Variants in PC observed in about 807,000 individuals in gnomAD.
PC encodes the protein pyruvate carboxylase.
A neutral mutation model predicts 107.8 loss-of-function variants in PC; 46 were observed. The observed-to-expected ratio is 0.43, with a 90% CI of 0.34 to 0.55. The LOEUF is 0.55. Among genes scored for constraint, PC ranks in the 20% least tolerant of loss-of-function variants. The probability of loss-of-function intolerance (pLI) is 0.04; values close to 1 mark genes in which losing one functional copy is unlikely to be tolerated. For synonymous variants in PC, 662 were observed against 684.7 expected, an observed-to-expected ratio of 0.97 and a Z score of 0.52; for missense variants, 1,241 against 1,643.1, an observed-to-expected ratio of 0.76 and a Z score of 4.23.
Position 66,850,286 on chromosome 11 carries a change from G to A in PC, c.2652C>T (p.Gly884=), listed in dbSNP as rs777576274. The part of the protein sequence containing the change: ...LHFQAHSMGL[G]SKFKEVKKAY... ...CCTTCTTGACCTCCTTGAACTTGGA[G>A]CCAAGCCCCATGCTGTGGGCCTGGA... Residue 884 remains glycine, a synonymous_variant, in exon 19 of 23, where the codon GGC becomes GGT. Transcript: ENST00000393960. The A allele has an allele frequency of 2.5e-6, 4 of 1,614,028 alleles. No individual in the cohort carries two copies. The South Asian group carries it at 3.3e-5, about 13-fold the overall frequency.
rs112948607 is a variant in PC, at chr11:66,851,069, G to C, written c.2194C>G (p.Arg732Gly). 5.6e-6 allele frequency: 9 copies of C among 1,613,062 alleles called. No homozygotes were observed. The African/African-American group carries it at 6.7e-5, about 12-fold the overall frequency. Residue 732 changes from arginine (R) to glycine (G), a missense_variant, in exon 17 of 23, where the codon CGA (arginine) becomes GGA (glycine). This residue lies in a region of PC where 1,143 missense variants were observed against 1,551.9 expected (regional missense o/e 0.74). Transcript: ENST00000393960. ...ATGCACAGGATGTGGGTGCCAGCTC[G>C]CACCAGCTCTTCGGCCAAGCCCATG... ...YYMGLAEELV[R>G]AGTHILCIKD... is the part of the protein sequence containing the mutation.
intron 3 of PC, among the ~76,000 whole-genome samples, chr11:66,876,919 C>G (rs1039702050): frequency 1.3e-5 from 2 of 152,150 alleles, no homozygotes; most frequent in African/African-American, 4.8e-5. Flanking sequence ...CTTGAACCCA[C>G]GAGAAAGCAA....
chr11:66,888,088 C>G lies in PC; in HGVS notation c.1-15929G>C, dbSNP rs74448864. On this transcript the variant is annotated intron_variant, in intron 3 of 22. Transcript: ENST00000393960. ...ACCTGGATGATCCGGGATCACCTTT[C>G]CAGGTCAGAATCCTTCATCACATCT... 3.9e-3 allele frequency among the ~76,000 whole-genome samples: 597 copies of G among 152,316 alleles called. 5 individuals carry two copies. Among genetic ancestry groups the G allele is most frequent in the African/African-American group, 0.013 (559 of 41,562 alleles).
In PC at chr11:66,858,618, G is replaced by T; in HGVS notation, c.1368+5156C>A. ...TGCCCGCCACACGCAGCGCCTCTGG[G>T]TGCTGGAAGGCCAGCGGGCCACGCT... is the stretch of plus-strand genomic sequence containing the variant. On this transcript the variant is annotated intron_variant, in intron 12 of 22. Transcript: ENST00000393960. The surrounding 1 kb of genome is among the most constrained non-coding windows in gnomAD (Gnocchi z 5.9). 1 of 1,536,332 alleles carries T rather than the reference G, an allele frequency of 6.5e-7. No individual in the cohort carries two copies. Among genetic ancestry groups the T allele is most frequent in the East Asian group, 2.4e-5 (1 of 40,846 alleles).
rs1220060164 is a variant in PC at position 66,867,650 on chromosome 11, G to A, written c.1022+1196C>T. The stretch of plus-strand genomic sequence containing the variant: ...AGGTTGGAGCTCACCCAGGCTCCAC[G>A]TGGCTTGGGACCTGAGAGCACCTGA... On this transcript the variant is annotated intron_variant, in intron 10 of 22. Transcript: ENST00000393960. 2.6e-5 allele frequency among the ~76,000 whole-genome samples: 4 copies of A among 152,210 alleles called. No individual in the cohort carries two copies. In the East Asian group the frequency reaches 7.7e-4, roughly 29 times the overall value.
Position 66,849,055 on chromosome 11 carries a change from T to A in PC, c.3381A>T (p.Ala1127=). ...GCTGGCCCTTGGCCACCTTGGCCCC[T>A]GCCACCACTTTGATGTCTATCACCT... ...PGKVIDIKVV[A]GAKVAKGQPL... Residue 1127 remains alanine (A), a synonymous_variant, in exon 23 of 23, where the codon GCA becomes GCT. Transcript: ENST00000393960. 6.2e-7 allele frequency: 1 copy of A among 1,614,120 alleles called. No individual in the cohort carries two copies. The highest frequency in any genetic ancestry group is 8.5e-7 in the Non-Finnish European group (1 of 1,180,048).
At chr11:66,958,056 C>A (rs1403118900) in intron 1 of PC, 1 of 150,162 alleles carries the variant, frequency 6.7e-6, no homozygotes, top group African/African-American at 2.4e-5. Context: ...TGCGGAGGGG[C>A]GCTCGGGGGC....
chr11:66,851,969 A>C (rs1246795094), intron 15 of PC, 23 bp from the exon 16 acceptor site: 4 of 1,612,916 alleles, frequency 2.5e-6, no homozygotes, highest in Non-Finnish European at 3.4e-6. Context: ...CGAGAGGCCC[A>C]GATCAGCTCT....
chr11:66,867,631 G>C (rs1239563357), intron 10 of PC, among the ~76,000 whole-genome samples: 1 of 152,174 alleles, frequency 6.6e-6, no homozygotes, highest in Non-Finnish European at 1.5e-5. Flanking sequence ...AGAGAGGTTG[G>C]AGCTCACCCA....
At position 66,852,851 on chromosome 11, in the gene PC, G is replaced by A. The variant is rs771553195; in HGVS notation, c.1514-15C>T. On this transcript the variant is annotated splice_polypyrimidine_tract_variant and intron_variant, in intron 13 of 22. Coordinates refer to ENST00000393960, the MANE Select transcript of PC (RefSeq NM_001040716.2). The surrounding 1 kb of genome is among the most constrained non-coding windows in gnomAD (Gnocchi z 4.7). ...CATGACATGGCCTGGGGAGAAAGCGGGCAGTGGGTCAGGGTGGGCTGGGCA... is the reference window on the plus strand; with the variant it reads ...CATGACATGGCCTGGGGAGAAAGCGAGCAGTGGGTCAGGGTGGGCTGGGCA... 9.0e-6 allele frequency: 14 copies of A among 1,550,984 alleles called. No individual in the cohort carries two copies. In the South Asian group the frequency reaches 1.5e-4, roughly 16 times the overall value.
intron 3 of PC, among the ~76,000 whole-genome samples, chr11:66,898,246 G>A (rs1306623030): frequency 6.6e-6 from 1 of 152,238 alleles, no homozygotes; most frequent in Non-Finnish European, 1.5e-5. Context: ...GCCAGGGCCA[G>A]CGGTCACAGC....
At position 66,870,342 on chromosome 11, in the gene PC, C is replaced by T. The variant is rs775985392; in HGVS notation, c.863G>A (p.Arg288Gln). Residue 288 changes from arginine to glutamine, a missense_variant, in exon 9 of 23, where the codon CGG (arginine) becomes CAG (glutamine). Arg to Gln is a conservative substitution (Grantham distance 43). Around this residue, in one of 2 missense-constraint regions of PC, gnomAD observed 1,143 missense variants for 1,551.9 expected, o/e 0.74. Transcript: ENST00000393960. This position sits in a 1 kb window ranked among gnomAD's most constrained non-coding sequence, Gnocchi z 6.1. Reference protein sequence around the residue: ...APAAHLDPQLRTRLTSDSVKL... With the variant: ...APAAHLDPQLQTRLTSDSVKL... ...CACAGAGTCGCTGGTGAGCCGAGTC[C>T]GAAGCTGCGGGTCCAGGTGGGCGGC... 1.2e-5 allele frequency: 19 copies of T among 1,613,480 alleles called. No homozygotes were observed. The highest frequency in any genetic ancestry group is 9.9e-5 in the South Asian group (9 of 91,082).
At chr11:66,904,788 G>A (rs1948103189) in intron 3 of PC, among the ~76,000 whole-genome samples, 1 of 152,224 alleles carries the variant, frequency 6.6e-6, no homozygotes, top group South Asian at 2.1e-4. Flanking sequence ...CTGTGGGAAG[G>A]GAACGGCATT....
chr11:66,892,622 G>A (rs1947618153), intron 3 of PC, among the ~76,000 whole-genome samples: 2 of 152,174 alleles, frequency 1.3e-5, no homozygotes, highest in South Asian at 4.1e-4. Context: ...CAAGGTGGGT[G>A]GATCATGAGG....
intron 12 of PC, chr11:66,860,359 C>T: frequency 9.4e-7 from 1 of 1,067,324 alleles, no homozygotes; most frequent in South Asian, 1.3e-5. Flanking sequence ...TTCTGGCCTC[C>T]AGACCAGGGT....
chr11:66,952,636 G>A (rs1949466270), intron 2 of PC, among the ~76,000 whole-genome samples, 168 bp from the exon 3 acceptor site: 1 of 152,194 alleles, frequency 6.6e-6, no homozygotes. Flanking sequence ...CTGCTTCCCG[G>A]ATTCAAGCGA....
chr11:66,870,536 G>GACTGGCGACAGTGGTTA lies in PC; in HGVS notation c.752-84_752-83insTAACCACTGTCGCCAGT. The GACTGGCGACAGTGGTTA allele has an allele frequency of 6.6e-7, 1 of 1,508,874 alleles. No individual in the cohort carries two copies. Among genetic ancestry groups the GACTGGCGACAGTGGTTA allele is most frequent in the Non-Finnish European group, 9.1e-7 (1 of 1,101,272 alleles). 93.5% of individuals were successfully genotyped at this position (1,508,874 alleles called of 1,614,324 possible). The stretch of plus-strand genomic sequence containing the variant: ...GCCCCATCACCCCCACATAACCACT[G>GACTGGCGACAGTGGTTA]TCGCCAGTCAGTGCCGGCTGCCAGC... On this transcript the variant is annotated intron_variant, in intron 8 of 22. Transcript: ENST00000393960. This position sits in a 1 kb window ranked among gnomAD's most constrained non-coding sequence, Gnocchi z 6.1.
At chr11:66,957,897 A>G (rs1407109314) in intron 1 of PC, 1 of 152,296 alleles carries the variant, frequency 6.6e-6, no homozygotes. Flanking sequence ...GAGCTGAGCC[A>G]CATCCAGTAC....
chr11:66,916,811 G>A (rs909391053), intron 3 of PC, among the ~76,000 whole-genome samples: 6 of 151,878 alleles, frequency 4.0e-5, no homozygotes, highest in South Asian at 2.1e-4. Flanking sequence ...AAAATTATCC[G>A]GGCGTGGTGG....
Sources: allele counts gnomAD v4.1 joint callset (sites outside exome capture counted in the v4.1 genomes callset), GRCh38; gene constraint gnomAD v4.1.1; regional missense constraint gnomAD v4.1.1; non-coding constraint Gnocchi (gnomAD v3.1); transcripts MANE v1.5; gene names NCBI Gene and HGNC (gene_info 2026-07-23, HGNC 2026-07-21).